The following CANX variants were observed in gnomAD, a reference collection of about 807,000 sequenced individuals.
The protein encoded by CANX is epididymis secretory sperm binding protein.
A neutral mutation model predicts 75.7 loss-of-function variants in CANX; 14 were observed. The observed-to-expected ratio is 0.19, with a 90% CI of 0.12 to 0.29. The LOEUF (loss-of-function observed/expected upper bound fraction) is 0.29. Ranked by LOEUF, CANX falls within the 10% of genes least tolerant of loss-of-function variation. The probability of loss-of-function intolerance (pLI) is 1.00; values close to 1 mark genes in which losing one functional copy is unlikely to be tolerated. For missense variants in CANX, 567 were observed against 713.2 expected (o/e 0.79, Z 2.34); for synonymous variants, 227 against 236.9 (o/e 0.96, Z 0.38).
intron 4 of CANX, among the ~76,000 whole-genome samples, chr5:179,707,466 C>T (rs1581853788): frequency 6.6e-6 from 1 of 152,086 alleles, no homozygotes; most frequent in South Asian, 2.1e-4. Context: ...CATCTGTAGT[C>T]CCAGCTGCTG....
At chr5:179,679,958 CTTTTTTTTTTTT>C (rs34916199) in intron 1 of CANX, among the ~76,000 whole-genome samples, 4 of 59,374 alleles carry the variant, frequency 6.7e-5, no homozygotes, top group South Asian at 1.5e-3. Context: ...TGCGCCTGGC[CTTTTTTTTTTTT>C]TTTTTTTTTT....
chr5:179,684,425 C>T (rs1470152480), intron 1 of CANX, among the ~76,000 whole-genome samples: 3 of 150,410 alleles, frequency 2.0e-5, no homozygotes, highest in African/African-American at 7.4e-5. Flanking sequence ...CTGCAAGCTC[C>T]ACCTCCCGGG....
At chr5:179,704,118 C>T (rs906398721) in intron 1 of CANX, 2 of 152,206 alleles carry the variant, frequency 1.3e-5, no homozygotes, top group African/African-American at 2.4e-5. Context: ...ACCACATCAT[C>T]TTGTGCATCT....
intron 10 of CANX, among the ~76,000 whole-genome samples, chr5:179,722,139 G>A (rs1292573299): frequency 2.6e-5 from 4 of 152,164 alleles, no homozygotes; most frequent in Non-Finnish European, 4.4e-5. Flanking sequence ...AGACCAGCCT[G>A]GCCAACATAG....
intron 7 of CANX, among the ~76,000 whole-genome samples, chr5:179,713,233 C>G (rs1472058409): frequency 6.6e-6 from 1 of 151,892 alleles, no homozygotes; most frequent in African/African-American, 2.4e-5. Context: ...AGGCACACAC[C>G]ACCATGTCCA....
At chr5:179,683,963 C>T (rs950650726) in intron 1 of CANX, among the ~76,000 whole-genome samples, 6 of 152,132 alleles carry the variant, frequency 3.9e-5, no homozygotes, top group African/African-American at 9.7e-5. Flanking sequence ...GGAAACACCA[C>T]ACAATTTGTT....
Position 179,723,896 on chromosome 5 carries a change from A to T in CANX, c.1518+117A>T, listed in dbSNP as rs1054120760. On this transcript the variant is annotated intron_variant, in intron 12 of 14. Transcript: ENST00000247461. ...GTAGTGGCTCAGTAATGACCAAGCC[A>T]TGTTTGGTGTTGACTTCAGAAACCT... 4 of 884,816 alleles carry T rather than the reference A, an allele frequency of 4.5e-6. No individual in the cohort carries two copies. In the African/African-American group the frequency reaches 6.9e-5, roughly 15 times the overall value. 54.8% of individuals were successfully genotyped at this position (884,816 alleles called of 1,614,324 possible).
intron 7 of CANX, among the ~76,000 whole-genome samples, chr5:179,715,335 C>A (rs113188569): frequency 1.3e-5 from 2 of 152,046 alleles, no homozygotes; most frequent in Admixed American, 1.3e-4. Flanking sequence ...GAGTTTGAGA[C>A]CAGCCTGGGC....
rs1309040594 is a variant in CANX at position 179,728,822 on chromosome 5, C to A, written c.*178C>A. The stretch of plus-strand genomic sequence containing the variant: ...TTAAACATCTAGCAGTAAATACTTG[C>A]AGTTGTGATATAAAGGACCCTGTTT... On this transcript the variant is annotated 3_prime_UTR_variant, in exon 15 of 15. Transcript: ENST00000247461. The A allele has an allele frequency of 2.9e-6, 2 of 695,528 alleles. No homozygotes were observed. Among genetic ancestry groups the A allele is most frequent in the Admixed American group, 2.0e-5 (1 of 48,920 alleles). The allele number at this position is 695,528 out of a possible 1,614,324, so 43.1% of individuals were successfully genotyped here.
chr5:179,707,828 A>G (rs958365062), intron 4 of CANX, among the ~76,000 whole-genome samples: 26 of 152,014 alleles, frequency 1.7e-4, no homozygotes, highest in African/African-American at 5.6e-4. Flanking sequence ...AAGTGTGTTT[A>G]TTTATTATTT....
In CANX at chr5:179,709,976, C is replaced by G. The variant is rs755452646; in HGVS notation, c.632C>G (p.Thr211Arg). The change falls in exon 7 of 15, where the codon ACG becomes AGG. Residue 211 changes from threonine to arginine, a missense_variant. Thr to Arg is a moderately conservative substitution (Grantham distance 71). This residue lies in a region of CANX where 351 missense variants were observed against 433.8 expected (regional missense o/e 0.81). Coordinates refer to ENST00000247461, the MANE Select transcript of CANX (RefSeq NM_001746.4). ...ATCTTCCGACACAAAAACCCCAAAACGGGTATCTATGAAGAAAAACATGCT... is the reference window on the plus strand; with the variant it reads ...ATCTTCCGACACAAAAACCCCAAAAGGGGTATCTATGAAGAAAAACATGCT... ...HFIFRHKNPK[T>R]GIYEEKHAKR... 6 of 1,612,720 alleles carry G rather than the reference C, an allele frequency of 3.7e-6. No homozygotes were observed. Among genetic ancestry groups the G allele is most frequent in the Non-Finnish European group, 8.5e-7 (1 of 1,178,884 alleles).
chr5:179,708,124 G>C (rs921336672), intron 4 of CANX, 115 bp from the exon 5 acceptor site: 1 of 810,718 alleles, frequency 1.2e-6, no homozygotes, highest in African/African-American at 1.7e-5. Context: ...AGGTGTGAGC[G>C]ACCACGGCTG....
At chr5:179,695,816 A>C (rs11749841), upstream of CANX, among the ~76,000 whole-genome samples, 29,986 of 149,398 alleles carry the variant, frequency 0.2, 3,729 homozygotes, top group Non-Finnish European at 0.28. Context: ...GCGCCCGGCT[A>C]ATTTTTTGTA....
chr5:179,692,989 A>T (rs1329437699), intron 1 of CANX, among the ~76,000 whole-genome samples: 1 of 151,938 alleles, frequency 6.6e-6, no homozygotes, highest in Admixed American at 6.6e-5. Flanking sequence ...TACTAAAAAT[A>T]CAAAAAATTA....
intron 1 of CANX, among the ~76,000 whole-genome samples, chr5:179,703,916 T>C (rs1027834697): frequency 1.3e-5 from 2 of 152,190 alleles, no homozygotes; most frequent in African/African-American, 4.8e-5. Flanking sequence ...TTAAGTATCC[T>C]GATGTCAGTA....
rs11249657 is a variant in CANX at position 179,684,636 on chromosome 5, G to A, written c.-4+5859G>A. 6.3e-4 allele frequency among the ~76,000 whole-genome samples: 96 copies of A among 151,836 alleles called. 1 individual carries two copies. The South Asian group carries it at 8.9e-3, about 14-fold the overall frequency. ...ATTACAGGCTTGAGCCACCGTGCCC[G>A]GCCAAGCCTTTTTAATTTTAGCCAT... is the stretch of plus-strand genomic sequence containing the variant. On this transcript the variant is annotated intron_variant, in intron 1 of 14. Coordinates refer to the CANX transcript ENST00000681674.
At position 179,709,901 on chromosome 5, in the gene CANX, C is replaced by T. The variant is rs748363222; in HGVS notation, c.557C>T (p.Thr186Met). 1 of 1,604,508 alleles carries T rather than the reference C, an allele frequency of 6.2e-7. No individual in the cohort carries two copies. The highest frequency in any genetic ancestry group is 8.5e-7 in the Non-Finnish European group (1 of 1,176,826). ...LDQFHDKTPY[T>M]IMFGPDKCGE... ...CAGTTCCATGACAAGACCCCTTATACGATTATGTTTGGTCCAGATAAATGT... is the reference window on the plus strand; with the variant it reads ...CAGTTCCATGACAAGACCCCTTATATGATTATGTTTGGTCCAGATAAATGT... Residue 186 changes from threonine (T) to methionine (M), a missense_variant, in exon 7 of 15, where the codon ACG becomes ATG. By Grantham distance (81) the Thr-to-Met change is moderately conservative. Around this residue, in one of 3 missense-constraint regions of CANX, gnomAD observed 351 missense variants for 433.8 expected, o/e 0.81. Transcript: ENST00000247461.
chr5:179,707,390 C>T (rs1038315180), intron 4 of CANX, among the ~76,000 whole-genome samples, 200 bp downstream of exon 4: 1 of 152,104 alleles, frequency 6.6e-6, no homozygotes. Context: ...CGAGACCATC[C>T]TGGCTAACAC....
chr5:179,685,545 G>GC (rs1776175600), intron 1 of CANX, among the ~76,000 whole-genome samples: 2 of 113,440 alleles, frequency 1.8e-5, no homozygotes, highest in Non-Finnish European at 3.5e-5. Context: ...ACCGCGCCCA[G>GC]CTTTTTTTTT....
Sources: allele counts gnomAD v4.1 joint callset (sites outside exome capture counted in the v4.1 genomes callset), GRCh38; gene constraint gnomAD v4.1.1; regional missense constraint gnomAD v4.1.1; transcripts MANE v1.5; gene names NCBI Gene and HGNC (gene_info 2026-07-23, HGNC 2026-07-21).